Variants in CFAP20DC observed in about 807,000 individuals in gnomAD.
CFAP20DC encodes CFAP20 domain containing.
A neutral mutation model predicts 101.7 loss-of-function variants in CFAP20DC; 84 were observed. The observed-to-expected ratio is 0.83, with a 90% confidence interval of 0.69 to 0.99. CFAP20DC has a LOEUF of 0.99. Ranked by LOEUF, CFAP20DC falls within the 50% of genes least tolerant of loss-of-function variation. CFAP20DC has a pLI of 0.00. For synonymous variants in CFAP20DC, 359 were observed against 351.2 expected, an observed-to-expected ratio of 1.02 and a Z score of -0.25; for missense variants, 1,007 against 970.3, an observed-to-expected ratio of 1.04 and a Z score of -0.50.
Position 58,819,798 on chromosome 3 carries a change from C to A in CFAP20DC, c.2175+11888G>T, listed in dbSNP as rs994110421. 4.7e-5 allele frequency among the ~76,000 whole-genome samples: 7 copies of A among 148,516 alleles called. No homozygotes were observed. The South Asian group carries it at 6.6e-4, about 14-fold the overall frequency. ...TCCTCCCTAACTCATTTTATGAGGC[C>A]AGCATCATCCTGATACCAAAGCCGG... On this transcript the variant is annotated intron_variant, in intron 14 of 16. Coordinates refer to ENST00000482387, the MANE Select transcript of CFAP20DC (RefSeq NM_001394063.1).
Position 58,866,573 on chromosome 3 carries a change from A to G in CFAP20DC, c.1251T>C (p.Asp417=). The change falls in exon 11 of 17, where the codon GAT becomes GAC. Residue 417 remains aspartate (D), a synonymous_variant. Transcript: ENST00000482387. The part of the protein sequence containing the change: ...NSGTLGPQSP[D]QSDEWIFPEN... ...TGTAATAAAGATGCCAACCTGATTG[A>G]TCAGGAGACTGGGGTCCTAGAGTGC... 1 of 1,609,698 alleles carries G rather than the reference A, an allele frequency of 6.2e-7. No homozygotes were observed. The highest frequency in any genetic ancestry group is 8.5e-7 in the Non-Finnish European group (1 of 1,178,328).
chr3:58,906,780 T>C (rs1052684258), intron 6 of CFAP20DC, among the ~76,000 whole-genome samples: 1 of 151,866 alleles, frequency 6.6e-6, no homozygotes, highest in Non-Finnish European at 1.5e-5. Flanking sequence ...TAGAAAAAAA[T>C]TAGCTAGGCA....
At position 59,046,228 on chromosome 3, in the gene CFAP20DC, C is replaced by A. The variant is rs550023785; in HGVS notation, c.205+1G>T. On this transcript the variant is annotated splice_donor_variant, in intron 3 of 16. Coordinates refer to ENST00000482387, the MANE Select transcript of CFAP20DC (RefSeq NM_001394063.1). LOFTEE classifies it high-confidence loss of function. The stretch of plus-strand genomic sequence containing the variant: ...GTTTCAATATTAAAAATATTACTTA[C>A]GGCTTTGCTTATTCTCCTTTGGTAA... 12 of 1,521,962 alleles carry A rather than the reference C, an allele frequency of 7.9e-6. No individual in the cohort carries two copies. Among genetic ancestry groups the A allele is most frequent in the Non-Finnish European group, 9.7e-6 (11 of 1,136,988 alleles). 94.3% of individuals were successfully genotyped at this position (1,521,962 alleles called of 1,614,324 possible).
rs948755695 is a variant in CFAP20DC, at chr3:58,722,533, G to A, written c.198-4905C>T. Among the ~76,000 whole-genome samples, 16 of 152,238 alleles carry A rather than the reference G, an allele frequency of 1.1e-4. No homozygotes were observed. Among genetic ancestry groups the A allele is most frequent in the Middle Eastern group, 6.8e-3 (2 of 294 alleles). On this transcript the variant is annotated intron_variant, in intron 3 of 3. Transcript: ENST00000486145. The surrounding 1 kb of genome is among the most constrained non-coding windows in gnomAD (Gnocchi z 4.5). ...GTTTAAAGGACTCTAATTCTCTCTC[G>A]TGATGGAGTAGAAACCTGAGAGATG...
intron 6 of CFAP20DC, among the ~76,000 whole-genome samples, chr3:58,904,686 G>C (rs1174454389): frequency 6.6e-6 from 1 of 152,146 alleles, no homozygotes; most frequent in East Asian, 1.9e-4. Flanking sequence ...GCACTGTTGA[G>C]GTCTTGAATT....
chr3:58,863,090 G>T lies in CFAP20DC; in HGVS notation c.1593+468C>A. On this transcript the variant is annotated intron_variant, in intron 12 of 16. Transcript: ENST00000482387. This position sits in a 1 kb window ranked among gnomAD's most constrained non-coding sequence, Gnocchi z 5.9. ...TAATTGGCACAACTCTTCAAATTCT[G>T]GGACCATATGGAAAATAATGAGTCC... The T allele has an allele frequency of 2.0e-6, 2 of 997,904 alleles. No homozygotes were observed. The highest frequency in any genetic ancestry group is 2.4e-6 in the Non-Finnish European group (2 of 838,772). The allele number at this position is 997,904 out of a possible 1,614,324, so 61.8% of individuals were successfully genotyped here. A position where few individuals can be genotyped will look rare whatever the true frequency, so the allele number is the denominator to read the frequency against.
intron 15 of CFAP20DC, chr3:58,794,141 T>C (rs1439493859): frequency 2.8e-5 from 9 of 323,192 alleles, no homozygotes; most frequent in Non-Finnish European, 4.4e-5. Context: ...GTCACTACTG[T>C]TGTTAGCCTC....
intron 4 of CFAP20DC, among the ~76,000 whole-genome samples, chr3:58,997,858 G>A (rs1226355596): frequency 2.0e-5 from 3 of 152,146 alleles, no homozygotes; most frequent in African/African-American, 4.8e-5. Context: ...CAGACTGTAG[G>A]GTCTGTCTTC....
intron 12 of CFAP20DC, among the ~76,000 whole-genome samples, chr3:58,857,965 T>C (rs1042986061): frequency 4.6e-5 from 7 of 152,178 alleles, no homozygotes; most frequent in Non-Finnish European, 1.0e-4. Flanking sequence ...TTTTTTTCTA[T>C]ATAACATATA....
chr3:58,944,249 G>A (rs1455847122), intron 4 of CFAP20DC, among the ~76,000 whole-genome samples: 1 of 152,162 alleles, frequency 6.6e-6, no homozygotes, highest in Non-Finnish European at 1.5e-5. Context: ...TCCTCGAGAA[G>A]AGCAACCTGA....
chr3:58,855,604 G>A (rs2078708468), intron 12 of CFAP20DC, among the ~76,000 whole-genome samples: 1 of 152,016 alleles, frequency 6.6e-6, no homozygotes, highest in South Asian at 2.1e-4. Flanking sequence ...AACAATGATA[G>A]AATGGATTAA....
At chr3:58,963,190 T>TTTTGTGTGTG (rs374640126) in intron 4 of CFAP20DC, among the ~76,000 whole-genome samples, 1 of 118,184 alleles carries the variant, frequency 8.5e-6, no homozygotes. Flanking sequence ...GTTCAGTAGT[T>TTTTGTGTGTG]TGTGTGTGTG....
At chr3:58,952,166 T>C (rs1455191615) in intron 4 of CFAP20DC, among the ~76,000 whole-genome samples, 1 of 152,184 alleles carries the variant, frequency 6.6e-6, no homozygotes, top group Non-Finnish European at 1.5e-5. Context: ...GTAGTGCTAT[T>C]CTTAGTTTTC....
chr3:58,891,979 G>C (rs573372115), intron 6 of CFAP20DC, among the ~76,000 whole-genome samples: 1 of 152,312 alleles, frequency 6.6e-6, no homozygotes, highest in South Asian at 2.1e-4. Flanking sequence ...TTACATTTAA[G>C]TCTTTAATCC....
In CFAP20DC at chr3:58,799,141, T is replaced by C. The variant is rs567949574; in HGVS notation, c.2237+7254A>G. ...TTTCTATTTGCTTACCCAGATTCTA[T>C]TAGCCTGGTGAGAACTGAGTACACC... On this transcript the variant is annotated intron_variant, in intron 15 of 16. Transcript: ENST00000482387. The surrounding 1 kb of genome is among the most constrained non-coding windows in gnomAD (Gnocchi z 4.9). Among the ~76,000 whole-genome samples the C allele has an allele frequency of 5.9e-5, 9 of 152,250 alleles. No homozygotes were observed. Among genetic ancestry groups the C allele is most frequent in the Non-Finnish European group, 1.3e-4 (9 of 68,030 alleles).
intron 3 of CFAP20DC, among the ~76,000 whole-genome samples, chr3:58,720,140 T>C (rs1160057139): frequency 1.3e-5 from 2 of 152,212 alleles, no homozygotes; most frequent in Non-Finnish European, 2.9e-5. Context: ...AATTTCATCT[T>C]GTGCTGTTGT....
chr3:58,734,941 GA>G (rs1192331191), intron 3 of CFAP20DC, among the ~76,000 whole-genome samples: 2 of 152,156 alleles, frequency 1.3e-5, no homozygotes, highest in African/African-American at 4.8e-5. Flanking sequence ...ATGGGAAATT[GA>G]AAGCCACAGG....
intron 12 of CFAP20DC, among the ~76,000 whole-genome samples, chr3:58,851,424 A>G (rs1004629835): frequency 6.6e-6 from 1 of 152,160 alleles, no homozygotes; most frequent in Non-Finnish European, 1.5e-5. Flanking sequence ...AGAGTATATC[A>G]TACTGAGTAA....
chr3:58,773,004 A>AT (rs2070993497), intron 15 of CFAP20DC, among the ~76,000 whole-genome samples: 2 of 151,040 alleles, frequency 1.3e-5, no homozygotes, highest in Admixed American at 6.6e-5. Context: ...TGCTGGTTGA[A>AT]TTTTTTTTAC....
Sources: allele counts gnomAD v4.1 joint callset (sites outside exome capture counted in the v4.1 genomes callset), GRCh38; gene constraint gnomAD v4.1.1; non-coding constraint Gnocchi (gnomAD v3.1); transcripts MANE v1.5; gene names NCBI Gene and HGNC (gene_info 2026-07-23, HGNC 2026-07-21).